RIN2: variants seen among roughly 807,000 people sequenced by gnomAD.
RIN2 encodes RAB5 interacting protein 2.
Under a neutral mutation model 78.0 loss-of-function variants are expected in RIN2, and 36 were observed. That is an observed-to-expected ratio of 0.46 (90% CI 0.35 to 0.61). The LOEUF (loss-of-function observed/expected upper bound fraction) is 0.61, where lower values mean the gene tolerates loss of function less well. Ranked by LOEUF, RIN2 falls within the 20% of genes least tolerant of loss-of-function variation. The pLI is 0.00. For missense variants in RIN2, 1,087 were observed against 1,159.7 expected (o/e 0.94, Z 0.91); for synonymous variants, 466 against 466.8 (o/e 1.00, Z 0.02).
intron 2 of RIN2, among the ~76,000 whole-genome samples, chr20:19,854,114 C>T (rs925906474): frequency 1.3e-5 from 2 of 152,088 alleles, no homozygotes; most frequent in African/African-American, 2.4e-5. Flanking sequence ...CCAGTTTTCC[C>T]AGCACCATTT....
chr20:19,777,754 T>C (rs1458924529), intron 1 of RIN2, among the ~76,000 whole-genome samples: 1 of 152,282 alleles, frequency 6.6e-6, no homozygotes, highest in Non-Finnish European at 1.5e-5. Context: ...AGACGAATTG[T>C]GAAATGCTGT....
At chr20:19,979,980 G>T (rs754284428) in intron 9 of RIN2, among the ~76,000 whole-genome samples, 2 of 137,032 alleles carry the variant, frequency 1.5e-5, no homozygotes, top group South Asian at 2.4e-4. Flanking sequence ...GGAGGCGGAG[G>T]TTGCAATAAG....
intron 3 of RIN2, among the ~76,000 whole-genome samples, chr20:19,923,767 T>C (rs1249904870): frequency 6.6e-6 from 1 of 152,176 alleles, no homozygotes; most frequent in African/African-American, 2.4e-5. Context: ...TATTACCTTT[T>C]TTTCTACATA....
At chr20:19,915,837 C>G (rs1420953480) in intron 3 of RIN2, among the ~76,000 whole-genome samples, 1 of 152,232 alleles carries the variant, frequency 6.6e-6, no homozygotes, top group East Asian at 1.9e-4. Flanking sequence ...TTGTCATTTT[C>G]TGTTTCAAAA....
intron 1 of RIN2, among the ~76,000 whole-genome samples, chr20:19,762,184 C>CGTTCACA (rs1345520334): frequency 2.0e-5 from 3 of 152,182 alleles, no homozygotes; most frequent in African/African-American, 7.2e-5. Flanking sequence ...CTGCAGCCCC[C>CGTTCACA]GTTCACAAGC....
chr20:19,827,564 A>G (rs570689029), intron 2 of RIN2, among the ~76,000 whole-genome samples: 1 of 152,268 alleles, frequency 6.6e-6, no homozygotes, highest in South Asian at 2.1e-4. Flanking sequence ...CTTGAAGGTG[A>G]TCACAAATAA....
chr20:19,856,086 A>AG (rs576413069), intron 2 of RIN2, among the ~76,000 whole-genome samples: 71 of 152,300 alleles, frequency 4.7e-4, no homozygotes, highest in Non-Finnish European at 1.0e-3. Flanking sequence ...ACAAAAAAAA[A>AG]GAAGAAAAAT....
In RIN2 at chr20:19,889,595, G is replaced by A. The variant is rs2038349936; in HGVS notation, c.-7G>A. 6.4e-7 allele frequency: 1 copy of A among 1,552,250 alleles called. No individual in the cohort carries two copies. Among genetic ancestry groups the A allele is most frequent in the East Asian group, 2.4e-5 (1 of 41,030 alleles). On this transcript the variant is annotated 5_prime_UTR_variant, in exon 3 of 13. Transcript: ENST00000255006. The stretch of plus-strand genomic sequence containing the variant: ...CCCCGGCGTGCAGTGGAGCCTCGCT[G>A]GGGGAAATGACAGCTTGGACCATGG...
chr20:19,813,759 C>T (rs2035677219), intron 2 of RIN2, among the ~76,000 whole-genome samples: 1 of 152,116 alleles, frequency 6.6e-6, no homozygotes, highest in East Asian at 1.9e-4. Flanking sequence ...ATATAAAAAG[C>T]ACTGGGTTTG....
chr20:19,807,484 C>G (rs1349144210), intron 2 of RIN2, among the ~76,000 whole-genome samples: 2 of 151,934 alleles, frequency 1.3e-5, no homozygotes, highest in East Asian at 3.8e-4. Context: ...CCCTAAGGCT[C>G]CAGGAATCTC....
rs1600511435 is a variant in RIN2 at position 19,810,946 on chromosome 20, C to T, written c.-37+11199C>T. 2.0e-5 allele frequency among the ~76,000 whole-genome samples: 3 copies of T among 150,666 alleles called. No individual in the cohort carries two copies. In the South Asian group the frequency reaches 6.3e-4, roughly 32 times the overall value. On this transcript the variant is annotated intron_variant, in intron 2 of 12. Coordinates refer to ENST00000255006, the MANE Select transcript of RIN2 (RefSeq NM_018993.4). Reference sequence around the variant, plus strand: ...CAGGATTGTCTCGATCTCCTGACCTCGTGATCCGCCCGCCTCGGCCTCCCA... The same window carrying T: ...CAGGATTGTCTCGATCTCCTGACCTTGTGATCCGCCCGCCTCGGCCTCCCA...
At chr20:19,830,262 A>T (rs2036212340) in intron 2 of RIN2, among the ~76,000 whole-genome samples, 1 of 151,488 alleles carries the variant, frequency 6.6e-6, no homozygotes, top group Non-Finnish European at 1.5e-5. Context: ...CTAGCTTCAC[A>T]TTTTTTTTTA....
chr20:19,968,970 T>C (rs1468957853), intron 7 of RIN2, among the ~76,000 whole-genome samples: 1 of 152,008 alleles, frequency 6.6e-6, no homozygotes, highest in African/African-American at 2.4e-5. Flanking sequence ...AAGGGGGTGC[T>C]CACAACATTT....
intron 9 of RIN2, among the ~76,000 whole-genome samples, chr20:19,988,024 G>T (rs2042676120): frequency 6.6e-6 from 1 of 152,188 alleles, no homozygotes; most frequent in Non-Finnish European, 1.5e-5. Flanking sequence ...ATTTATCTTT[G>T]TCCCTGGCCT....
At chr20:19,909,358 G>A (rs1254523171) in intron 3 of RIN2, among the ~76,000 whole-genome samples, 4 of 152,148 alleles carry the variant, frequency 2.6e-5, no homozygotes, top group African/African-American at 9.7e-5. Flanking sequence ...AAATACTGAG[G>A]AGTTTTGATC....
chr20:19,933,240 A>G (rs958722471), intron 3 of RIN2, among the ~76,000 whole-genome samples: 2 of 152,212 alleles, frequency 1.3e-5, no homozygotes, highest in South Asian at 4.1e-4. Flanking sequence ...GGTTCTTATC[A>G]TGGAAGACTC....
intron 2 of RIN2, among the ~76,000 whole-genome samples, chr20:19,851,414 G>A (rs372799236): frequency 6.6e-6 from 1 of 152,110 alleles, no homozygotes; most frequent in South Asian, 2.1e-4. Context: ...CAACCCAGGT[G>A]CCAGGGACAA....
intron 2 of RIN2, among the ~76,000 whole-genome samples, chr20:19,869,230 TGAAGA>T (rs1260885951): frequency 7.9e-5 from 12 of 152,176 alleles, no homozygotes; most frequent in Admixed American, 7.8e-4. Flanking sequence ...ATGAAATTGA[TGAAGA>T]CCATATACGC....
chr20:19,946,684 GC>G (rs1157998609), intron 4 of RIN2, among the ~76,000 whole-genome samples: 1 of 137,280 alleles, frequency 7.3e-6, no homozygotes. Flanking sequence ...CTGCACTCCA[GC>G]CCTGGGTGAC....
Sources: gnomAD v4.1 joint callset for allele counts (sites outside exome capture counted in the v4.1 genomes callset) on GRCh38, gnomAD v4.1.1 for gene constraint, MANE v1.5 for transcripts, NCBI Gene and HGNC (gene_info 2026-07-23, HGNC 2026-07-21) for gene names.